OR4D2: variants seen among roughly 807,000 people sequenced by gnomAD.
OR4D2 encodes the protein olfactory receptor 4D2.
OR4D2 carries 9 observed loss-of-function variants against 12.4 expected under a neutral mutation model. The observed-to-expected ratio is 0.73, with a 90% CI of 0.44 to 1.27. OR4D2 has a LOEUF of 1.27. Ranked by LOEUF, OR4D2 falls within the 50% of genes most tolerant of loss-of-function variation. The probability of loss-of-function intolerance (pLI) is 0.00; values close to 1 mark genes in which losing one functional copy is unlikely to be tolerated. For synonymous variants in OR4D2, 151 were observed against 151.1 expected (o/e 1.00, Z 0.01); for missense variants, 373 against 381.6 (o/e 0.98, Z 0.19).
chr17:58,167,900 G>T lies in OR4D2; in HGVS notation c.-19+847G>T, dbSNP rs1455931896. ...CGCCTGTAGTTCCAGCTACGCGGGA[G>T]GCTGAGGTAAAAGAATGGCGTGAAC... is the stretch of plus-strand genomic sequence containing the variant. On this transcript the variant is annotated intron_variant, in intron 1 of 1. Coordinates refer to ENST00000545221, the MANE Select transcript of OR4D2 (RefSeq NM_001004707.4). 2.0e-5 allele frequency among the ~76,000 whole-genome samples: 3 copies of T among 150,666 alleles called. No individual in the cohort carries two copies. In the East Asian group the frequency reaches 5.9e-4, roughly 30 times the overall value.
At chr17:58,168,960 G>A (rs1012457545) in intron 1 of OR4D2, among the ~76,000 whole-genome samples, 10 of 152,320 alleles carry the variant, frequency 6.6e-5, no homozygotes, top group African/African-American at 2.2e-4. Flanking sequence ...TAAGTTAACT[G>A]TCATTAAGAA....
At position 58,170,040 on chromosome 17, in the gene OR4D2, C is replaced by T. The variant is rs1210031049; in HGVS notation, c.385C>T (p.Pro129Ser). 1 of 1,614,012 alleles carries T rather than the reference C, an allele frequency of 6.2e-7. No individual in the cohort carries two copies. Among genetic ancestry groups the T allele is most frequent in the African/African-American group, 1.3e-5 (1 of 74,914 alleles). Residue 129 changes from proline to serine, a missense_variant, in exon 2 of 2, where the codon CCC becomes TCC. Physicochemically the swap from Pro to Ser is moderately conservative, Grantham distance 74. Coordinates refer to ENST00000545221, the MANE Select transcript of OR4D2 (RefSeq NM_001004707.4). The stretch of plus-strand genomic sequence containing the variant: ...TGACCGCCTCATTGCCATCTCCCGG[C>T]CCCTCCGCTATGTCACCGTCATGAA... ...AFDRLIAISRPLRYVTVMNTQ... is the reference protein window; with the variant it reads ...AFDRLIAISRSLRYVTVMNTQ...
rs1014654087 is a variant in OR4D2, at chr17:58,170,652, T to C, written c.*73T>C. ...GAAGTGGAGAGGGAGCTACTACCTT[T>C]GCTCTCTTCATAGTGTGTTGAGGTT... On this transcript the variant is annotated 3_prime_UTR_variant, in exon 2 of 2. Coordinates refer to ENST00000545221, the MANE Select transcript of OR4D2 (RefSeq NM_001004707.4). 8 of 1,176,626 alleles carry C rather than the reference T, an allele frequency of 6.8e-6. No homozygotes were observed. Among genetic ancestry groups the C allele is most frequent in the Non-Finnish European group, 1.0e-5 (8 of 783,184 alleles). 72.9% of individuals were successfully genotyped at this position (1,176,626 alleles called of 1,614,324 possible). A position where few individuals can be genotyped will look rare whatever the true frequency, so the allele number is the denominator to read the frequency against.
In OR4D2 at chr17:58,169,645, G is replaced by A. The variant is rs765993956; in HGVS notation, c.-11G>A. On this transcript the variant is annotated 5_prime_UTR_variant, in exon 2 of 2. It introduces an in-frame stop codon into an upstream open reading frame of the 5' UTR. Transcript: ENST00000545221. Reference sequence around the variant, plus strand: ...GTGGTTCATTTTCTTCAGGTGTATGGAGAAAACACCATGGAAACAGGGAAC... The same window carrying A: ...GTGGTTCATTTTCTTCAGGTGTATGAAGAAAACACCATGGAAACAGGGAAC... 23 of 1,608,370 alleles carry A rather than the reference G, an allele frequency of 1.4e-5. No homozygotes were observed. The East Asian group carries it at 5.1e-4, about 36-fold the overall frequency.
chr17:58,170,822 C>A lies in OR4D2; in HGVS notation c.*243C>A. The A allele has an allele frequency of 1.9e-6, 1 of 514,346 alleles. No homozygotes were observed. Among genetic ancestry groups the A allele is most frequent in the Non-Finnish European group, 3.5e-6 (1 of 286,946 alleles). The allele number at this position is 514,346 out of a possible 1,614,324, so 31.9% of individuals were successfully genotyped here. A position where few individuals can be genotyped will look rare whatever the true frequency, so the allele number is the denominator to read the frequency against. On this transcript the variant is annotated 3_prime_UTR_variant, in exon 2 of 2. Transcript: ENST00000545221. ...AATTGTTCACATGGCCCCTGAAAAC[C>A]ACACCTTCCTTTTCACCTTCTTGGT...
Position 58,169,913 on chromosome 17 carries a change from C to A in OR4D2, c.258C>A (p.Leu86=). 6.2e-7 allele frequency: 1 copy of A among 1,614,166 alleles called. No individual in the cohort carries two copies. The highest frequency in any genetic ancestry group is 1.1e-5 in the South Asian group (1 of 91,072). The change falls in exon 2 of 2, where the codon CTC becomes CTA. Residue 86 remains leucine (L), a synonymous_variant. Coordinates refer to ENST00000545221, the MANE Select transcript of OR4D2 (RefSeq NM_001004707.4). ...VTAPKMLVDL[L]SEKKTISYQG... ...CTCCCAAAATGCTAGTGGACCTCCT[C>A]TCTGAGAAGAAAACCATCTCTTACC...
chr17:58,170,666 T>C lies in OR4D2; in HGVS notation c.*87T>C. ...GCTACTACCTTTGCTCTCTTCATAG[T>C]GTGTTGAGGTTCATCATAGCAGGGA... On this transcript the variant is annotated 3_prime_UTR_variant, in exon 2 of 2. Coordinates refer to ENST00000545221, the MANE Select transcript of OR4D2 (RefSeq NM_001004707.4). 3.5e-5 allele frequency: 36 copies of C among 1,018,478 alleles called. 1 individual carries two copies. The highest frequency in any genetic ancestry group is 2.6e-4 in the South Asian group (19 of 74,404). The allele number at this position is 1,018,478 out of a possible 1,614,324, so 63.1% of individuals were successfully genotyped here. A position where few individuals can be genotyped will look rare whatever the true frequency, so the allele number is the denominator to read the frequency against.
intron 1 of OR4D2, 134 bp from the exon 2 acceptor site, chr17:58,169,504 G>A: frequency 1.5e-6 from 1 of 673,434 alleles, no homozygotes; most frequent in Non-Finnish European, 2.7e-6. Flanking sequence ...CCAGAGACAA[G>A]ACAGCACCTA....
Position 58,169,874 on chromosome 17 carries a change from C to T in OR4D2, c.219C>T (p.Phe73=). The change falls in exon 2 of 2, where the codon TTC becomes TTT. Residue 73 remains phenylalanine, a synonymous_variant. Transcript: ENST00000545221. Reference sequence around the variant, plus strand: ...ACCTGGCTGTCCTAGACCTCTGTTTCTCTTCAGTCACTGCTCCCAAAATGC... The same window carrying T: ...ACCTGGCTGTCCTAGACCTCTGTTTTTCTTCAGTCACTGCTCCCAAAATGC... ...LRNLAVLDLC[F]SSVTAPKMLV... 1 of 1,614,178 alleles carries T rather than the reference C, an allele frequency of 6.2e-7. No homozygotes were observed. The highest frequency in any genetic ancestry group is 8.5e-7 in the Non-Finnish European group (1 of 1,180,012).
At chr17:58,169,554 C>T in intron 1 of OR4D2, 84 bp from the exon 2 acceptor site, 1 of 885,738 alleles carries the variant, frequency 1.1e-6, no homozygotes, top group East Asian at 2.4e-5. Context: ...TCATATGGGC[C>T]TAAAACCTTG....
Position 58,170,758 on chromosome 17 carries a change from G to T in OR4D2, c.*179G>T, listed in dbSNP as rs1304487807. 4 of 613,202 alleles carry T rather than the reference G, an allele frequency of 6.5e-6. No individual in the cohort carries two copies. The highest frequency in any genetic ancestry group is 1.2e-5 in the Non-Finnish European group (4 of 345,088). 38.0% of individuals were successfully genotyped at this position (613,202 alleles called of 1,614,324 possible). On this transcript the variant is annotated 3_prime_UTR_variant, in exon 2 of 2. Coordinates refer to ENST00000545221, the MANE Select transcript of OR4D2 (RefSeq NM_001004707.4). ...GAAAGTATCCTCTTTGGTGGTTAAG[G>T]TTTGTGATAAAGAGTTTTAACACAC...
Position 58,170,207 on chromosome 17 carries a change from A to G in OR4D2, c.552A>G (p.Val184=). ...ACTTCTACTGTGATGTTCCCCAAGT[A>G]CTGAGACTTGCCTGCACTGACACCT... ...LDNFYCDVPQ[V]LRLACTDTSL... The change falls in exon 2 of 2, where the codon GTA becomes GTG. Residue 184 remains valine, a synonymous_variant. Transcript: ENST00000545221. 6.2e-7 allele frequency: 1 copy of G among 1,614,112 alleles called. No homozygotes were observed. Among genetic ancestry groups the G allele is most frequent in the Non-Finnish European group, 8.5e-7 (1 of 1,180,006 alleles).
Position 58,170,948 on chromosome 17 carries a change from G to A in OR4D2, c.*369G>A, listed in dbSNP as rs574630462. 6.4e-6 allele frequency: 2 copies of A among 311,398 alleles called. No homozygotes were observed. Among genetic ancestry groups the A allele is most frequent in the South Asian group, 5.7e-5 (2 of 35,220 alleles). The allele number at this position is 311,398 out of a possible 1,614,324, so 19.3% of individuals were successfully genotyped here. ...TTTCCTTTTGGTGTGAGTCTGGGTT[G>A]TTGGGAACAGCACAGAATTTGGAGT... On this transcript the variant is annotated 3_prime_UTR_variant, in exon 2 of 2. Coordinates refer to ENST00000545221, the MANE Select transcript of OR4D2 (RefSeq NM_001004707.4).
chr17:58,167,999 CAAAAAAA>C (rs1165311786), intron 1 of OR4D2, among the ~76,000 whole-genome samples: 1,540 of 39,208 alleles, frequency 0.039, 26 homozygotes, highest in African/African-American at 0.11. Context: ...GACTCCGTCA[CAAAAAAA>C]AAAAAAAAAA....
chr17:58,169,224 C>G (rs1214088705), intron 1 of OR4D2, among the ~76,000 whole-genome samples: 1 of 152,212 alleles, frequency 6.6e-6, no homozygotes, highest in African/African-American at 2.4e-5. Context: ...TTATATCTAT[C>G]ATTCTACTTA....
chr17:58,170,608 G>C lies in OR4D2; in HGVS notation c.*29G>C. 1.3e-6 allele frequency: 2 copies of C among 1,577,248 alleles called. No homozygotes were observed. The highest frequency in any genetic ancestry group is 2.2e-5 in the South Asian group (2 of 90,330). On this transcript the variant is annotated 3_prime_UTR_variant, in exon 2 of 2. Transcript: ENST00000545221. Reference sequence around the variant, plus strand: ...TGACAATGGTAGGTTTCTTCTCTTTGGCTTTGTTTTCCCTTTGTGAAGTGG... The same window carrying C: ...TGACAATGGTAGGTTTCTTCTCTTTCGCTTTGTTTTCCCTTTGTGAAGTGG...
At position 58,170,922 on chromosome 17, in the gene OR4D2, A is replaced by G. The variant is rs895870298; in HGVS notation, c.*343A>G. On this transcript the variant is annotated 3_prime_UTR_variant, in exon 2 of 2. Coordinates refer to ENST00000545221, the MANE Select transcript of OR4D2 (RefSeq NM_001004707.4). ...CCGTATTTTGAGCTCTCTTCCCAAT[A>G]TTTCCTTTTGGTGTGAGTCTGGGTT... The G allele has an allele frequency of 1.2e-5, 4 of 334,916 alleles. No individual in the cohort carries two copies. Among genetic ancestry groups the G allele is most frequent in the Non-Finnish European group, 1.7e-5 (3 of 176,456 alleles). The allele number at this position is 334,916 out of a possible 1,614,324, so 20.7% of individuals were successfully genotyped here.
chr17:58,169,893 A>C lies in OR4D2; in HGVS notation c.238A>C (p.Lys80Gln), dbSNP rs1388348846. 6.2e-7 allele frequency: 1 copy of C among 1,614,006 alleles called. No homozygotes were observed. The highest frequency in any genetic ancestry group is 2.2e-5 in the East Asian group (1 of 44,896). Residue 80 changes from lysine to glutamine, a missense_variant, in exon 2 of 2, where the codon AAA becomes CAA. By Grantham distance (53) the Lys-to-Gln change is moderately conservative (BLOSUM62 1). Transcript: ENST00000545221. ...CTGTTTCTCTTCAGTCACTGCTCCC[A>C]AAATGCTAGTGGACCTCCTCTCTGA... ...DLCFSSVTAP[K>Q]MLVDLLSEKK...
In OR4D2 at chr17:58,170,103, G is replaced by A. The variant is rs750748886; in HGVS notation, c.448G>A (p.Val150Met). 36 of 1,613,954 alleles carry A rather than the reference G, an allele frequency of 2.2e-5. 1 individual carries two copies. In the Admixed American group the frequency reaches 5.3e-4, roughly 24 times the overall value. ...LWVGLVVATW[V>M]GGFVHSIVQL... ...GGTGGGGCTGGTGGTAGCCACCTGG[G>A]TGGGAGGCTTTGTCCACTCTATTGT... The change falls in exon 2 of 2, where the codon GTG becomes ATG. Residue 150 changes from valine to methionine, a missense_variant. Coordinates refer to ENST00000545221, the MANE Select transcript of OR4D2 (RefSeq NM_001004707.4).
Sources: allele counts gnomAD v4.1 joint callset (sites outside exome capture counted in the v4.1 genomes callset), GRCh38; gene constraint gnomAD v4.1.1; transcripts MANE v1.5; gene names NCBI Gene and HGNC (gene_info 2026-07-23, HGNC 2026-07-21).